The following UBP1 variants were observed in gnomAD, a reference collection of about 807,000 sequenced individuals.
The protein encoded by UBP1 is upstream binding protein 1, also known as upstream-binding protein 1.
UBP1 carries 22 observed loss-of-function variants against 76.1 expected under a neutral mutation model. That is an observed-to-expected ratio of 0.29 (90% CI 0.21 to 0.41). The LOEUF is 0.41. Among genes scored for constraint, UBP1 ranks in the 10% least tolerant of loss-of-function variants. The pLI, the probability that UBP1 is intolerant of heterozygous loss-of-function variation, is 1.00. For missense variants in UBP1, 436 were observed against 668.1 expected (o/e 0.65, Z 3.83); for synonymous variants, 224 against 237.1 (o/e 0.94, Z 0.51).
intron 1 of UBP1, 48 bp from the exon 2 acceptor site, chr3:33,425,789 T>C (rs1305951089): frequency 1.3e-6 from 2 of 1,538,824 alleles, no homozygotes; most frequent in Non-Finnish European, 1.8e-6. Flanking sequence ...TTTGAAATAT[T>C]TGTCTACAGC....
intron 2 of UBP1, 108 bp downstream of exon 2, chr3:33,425,479 GAAA>G: frequency 8.5e-7 from 1 of 1,179,102 alleles, no homozygotes; most frequent in Non-Finnish European, 1.1e-6. Flanking sequence ...TAAAATTTAA[GAAA>G]AAGAACCTAA....
intron 12 of UBP1, chr3:33,396,489 C>CT: frequency 3.9e-6 from 2 of 516,406 alleles, no homozygotes; most frequent in Non-Finnish European, 3.5e-6. Flanking sequence ...GATCCAGACT[C>CT]TAAACCATTG....
chr3:33,433,783 C>T (rs1379733705), intron 1 of UBP1, among the ~76,000 whole-genome samples: 1 of 152,054 alleles, frequency 6.6e-6, no homozygotes, highest in East Asian at 1.9e-4. Flanking sequence ...CACCATGTGG[C>T]CCACCTGTGG....
At chr3:33,417,059 A>ATCTGCC (rs2044747990) in intron 2 of UBP1, among the ~76,000 whole-genome samples, 2 of 152,194 alleles carry the variant, frequency 1.3e-5, no homozygotes, top group African/African-American at 4.8e-5. Context: ...ATTTATCTTC[A>ATCTGCC]TCTGCCACTC....
intron 13 of UBP1, 50 bp downstream of exon 13, chr3:33,396,112 C>G: frequency 6.8e-7 from 1 of 1,469,428 alleles, no homozygotes; most frequent in Non-Finnish European, 9.3e-7. Flanking sequence ...CTTTCCGTTT[C>G]TGTCTGACAG....
chr3:33,422,388 A>G (rs907100631), intron 2 of UBP1, among the ~76,000 whole-genome samples: 1 of 152,088 alleles, frequency 6.6e-6, no homozygotes, highest in African/African-American at 2.4e-5. Context: ...AAACAAACAA[A>G]TAAAAGGAAA....
intron 2 of UBP1, among the ~76,000 whole-genome samples, chr3:33,424,046 A>G (rs2044966980): frequency 6.6e-6 from 1 of 152,250 alleles, no homozygotes; most frequent in African/African-American, 2.4e-5. Context: ...AACTTAATCG[A>G]CTATTCCACA....
At chr3:33,400,473 C>T (rs1164129453) in intron 10 of UBP1, among the ~76,000 whole-genome samples, 191 bp from the exon 11 acceptor site, 1 of 152,050 alleles carries the variant, frequency 6.6e-6, no homozygotes, top group Non-Finnish European at 1.5e-5. Flanking sequence ...GCTATTCAGC[C>T]ATAAAAAAAG....
Position 33,440,388 on chromosome 3 carries a change from G to C in UBP1, c.-540C>G, listed in dbSNP as rs1426022709. On this transcript the variant is annotated 5_prime_UTR_variant, in exon 1 of 16. Coordinates refer to ENST00000283629, the MANE Select transcript of UBP1 (RefSeq NM_014517.5). ...CTGGCTTCAACGCGACTCCGACTTAGGTTCACGCGCCGCTTCCGCCTCCCC... is the reference window on the plus strand; with the variant it reads ...CTGGCTTCAACGCGACTCCGACTTACGTTCACGCGCCGCTTCCGCCTCCCC... The C allele has an allele frequency of 1.3e-5, 2 of 153,038 alleles. No individual in the cohort carries two copies. The highest frequency in any genetic ancestry group is 2.4e-5 in the African/African-American group (1 of 41,384). The allele number at this position is 153,038 out of a possible 1,614,324, so 9.5% of individuals were successfully genotyped here. A position where few individuals can be genotyped will look rare whatever the true frequency, so the allele number is the denominator to read the frequency against.
chr3:33,400,119 A>T (rs1425069994), intron 11 of UBP1, 70 bp downstream of exon 11: 3 of 1,050,546 alleles, frequency 2.9e-6, no homozygotes, highest in Non-Finnish European at 3.9e-6. Flanking sequence ...TTAAAAATAT[A>T]AAGTTAATAA....
chr3:33,392,963 T>G (rs905504639), intron 14 of UBP1: 1 of 313,768 alleles, frequency 3.2e-6, no homozygotes, highest in Non-Finnish European at 5.8e-6. Flanking sequence ...ATATCTTACA[T>G]GTTTTTTTAA....
Position 33,397,022 on chromosome 3 carries a change from CA to C in UBP1, c.1271+22del, listed in dbSNP as rs781727886. The C allele has an allele frequency of 8.2e-6, 13 of 1,575,956 alleles. No homozygotes were observed. The African/African-American group carries it at 1.6e-4, about 20-fold the overall frequency. Reference sequence around the variant, plus strand: ...AAGAAAGGTACATTCTTATTTCAAGCAAAACAGTTCACAGTATTTTACCTTG... The same window carrying C: ...AAGAAAGGTACATTCTTATTTCAAGCAAACAGTTCACAGTATTTTACCTTG... On this transcript the variant is annotated intron_variant, in intron 12 of 15. Transcript: ENST00000283629.
intron 12 of UBP1, 80 bp from the exon 13 acceptor site, chr3:33,396,360 C>G (rs1363615779): frequency 2.9e-6 from 3 of 1,049,214 alleles, no homozygotes; most frequent in South Asian, 1.8e-5. Context: ...CTACAGGAAT[C>G]TAAGTTCTAT....
At chr3:33,437,859 G>T (rs1379657505) in intron 1 of UBP1, among the ~76,000 whole-genome samples, 2 of 152,114 alleles carry the variant, frequency 1.3e-5, no homozygotes, top group Non-Finnish European at 2.9e-5. Context: ...TCCTTAGTTT[G>T]AGAATTTCAA....
intron 13 of UBP1, among the ~76,000 whole-genome samples, chr3:33,395,703 CAT>C (rs1420968452): frequency 1.7e-5 from 2 of 116,778 alleles, no homozygotes; most frequent in Admixed American, 1.2e-4. Flanking sequence ...CACTGTTGCA[CAT>C]ATGTTATGCT....
At position 33,396,237 on chromosome 3, in the gene UBP1, G is replaced by T; in HGVS notation, c.1315C>A (p.Pro439Thr). ...TGCCCTTGCAGCACTGTGCTGCTTG[G>T]CTGCTCCCGGCAGACATAGATGGTT... ...RLTIYVCREQ[P>T]SSTVLQGQQQ... Residue 439 changes from proline (P) to threonine (T), a missense_variant, in exon 13 of 16, where the codon CCA becomes ACA. Physicochemically the swap from Pro to Thr is conservative, Grantham distance 38. This residue lies in a region of UBP1 where 210 missense variants were observed against 272.8 expected (regional missense o/e 0.77). Coordinates refer to ENST00000283629, the MANE Select transcript of UBP1 (RefSeq NM_014517.5). The T allele has an allele frequency of 6.3e-7, 1 of 1,591,474 alleles. No homozygotes were observed. Among genetic ancestry groups the T allele is most frequent in the Non-Finnish European group, 8.6e-7 (1 of 1,161,994 alleles).
intron 2 of UBP1, among the ~76,000 whole-genome samples, chr3:33,425,209 T>G (rs1331846611): frequency 1.3e-5 from 2 of 152,176 alleles, no homozygotes; most frequent in African/African-American, 4.8e-5. Context: ...GCAGCTTAAG[T>G]CTATTTTCAG....
chr3:33,420,302 G>A (rs2044853253), intron 2 of UBP1, among the ~76,000 whole-genome samples: 2 of 151,978 alleles, frequency 1.3e-5, no homozygotes, highest in African/African-American at 4.8e-5. Flanking sequence ...CTGTTTCTAG[G>A]GACTTATAGC....
Position 33,408,776 on chromosome 3 carries a change from CA to C in UBP1, c.840del (p.Ile280MetfsTer42). On this transcript the variant is annotated frameshift_variant, in exon 8 of 16. Transcript: ENST00000283629. LOFTEE classifies it high-confidence loss of function. ...TTCTGCTCATGTTCAACTGCATCTT[CA>C]ATTATAGGCTCAAGCCTCATCTGGA... ...ILTEMRLEPI[I>X]EDAVEHEQKK... 1 of 1,613,950 alleles carries C rather than the reference CA, an allele frequency of 6.2e-7. No homozygotes were observed. Among genetic ancestry groups the C allele is most frequent in the South Asian group, 1.1e-5 (1 of 91,066 alleles).
Sources: gnomAD v4.1 joint callset for allele counts (sites outside exome capture counted in the v4.1 genomes callset) on GRCh38, gnomAD v4.1.1 for gene constraint, gnomAD v4.1.1 regional missense constraint, MANE v1.5 for transcripts, NCBI Gene and HGNC (gene_info 2026-07-23, HGNC 2026-07-21) for gene names.